The following SLC26A3 variants were observed in gnomAD, a reference collection of about 807,000 sequenced individuals.
SLC26A3 encodes the protein chloride anion exchanger.
A neutral mutation model predicts 85.6 loss-of-function variants in SLC26A3; 64 were observed. That is an observed-to-expected ratio of 0.75 (90% CI 0.61 to 0.92). The LOEUF is 0.92. Ranked by LOEUF, SLC26A3 falls within the 40% of genes least tolerant of loss-of-function variation. SLC26A3 has a pLI of 0.00. For missense variants in SLC26A3, 922 were observed against 927.3 expected, an observed-to-expected ratio of 0.99 and a Z score of 0.07; for synonymous variants, 349 against 336.0, an observed-to-expected ratio of 1.04 and a Z score of -0.42.
At chr7:107,787,647 G>A (rs1794320590) in intron 6 of SLC26A3, 138 bp from the exon 7 acceptor site, 4 of 720,822 alleles carry the variant, frequency 5.5e-6, no homozygotes, top group East Asian at 2.6e-5. Context: ...GTATTGCCCC[G>A]GTTTAATTGT....
rs1793903526 is a variant in SLC26A3 at position 107,765,793 on chromosome 7, T to C, written c.*62A>G. 1 of 1,209,976 alleles carries C rather than the reference T, an allele frequency of 8.3e-7. No homozygotes were observed. Among genetic ancestry groups the C allele is most frequent in the Admixed American group, 1.7e-5 (1 of 59,134 alleles). The allele number at this position is 1,209,976 out of a possible 1,614,324, so 75.0% of individuals were successfully genotyped here. Reference sequence around the variant, plus strand: ...CAATGTATGAACTTATCAATAACTTTCTGGGTATAAAGTTGTTTTTATGTC... The same window carrying C: ...CAATGTATGAACTTATCAATAACTTCCTGGGTATAAAGTTGTTTTTATGTC... On this transcript the variant is annotated 3_prime_UTR_variant, in exon 21 of 21. Coordinates refer to ENST00000340010, the MANE Select transcript of SLC26A3 (RefSeq NM_000111.3).
intron 1 of SLC26A3, among the ~76,000 whole-genome samples, chr7:107,800,739 C>CAGG (rs1282711937): frequency 6.6e-6 from 1 of 152,122 alleles, no homozygotes; most frequent in African/African-American, 2.4e-5. Flanking sequence ...TTTACATACA[C>CAGG]AGGAGAAGTG....
Position 107,776,645 on chromosome 7 carries a change from A to G in SLC26A3, c.1576T>C (p.Tyr526His). The G allele has an allele frequency of 6.2e-7, 1 of 1,613,504 alleles. No individual in the cohort carries two copies. Among genetic ancestry groups the G allele is most frequent in the South Asian group, 1.1e-5 (1 of 91,060 alleles). Reference protein sequence around the residue: ...RTNIYKNKKDYYDMYEPEGVK... With the variant: ...RTNIYKNKKDHYDMYEPEGVK... ...ACATGAATCTCCCTTACATCATAAT[A>G]ATCTTTTTTATTCTTATAGATGTTG... The change falls in exon 14 of 21, where the codon TAT becomes CAT. Residue 526 changes from tyrosine to histidine, a missense_variant. Tyr to His is a moderately conservative substitution (Grantham distance 83, BLOSUM62 2). Transcript: ENST00000340010.
chr7:107,787,133 C>T (rs527912022), intron 7 of SLC26A3, among the ~76,000 whole-genome samples: 4 of 152,322 alleles, frequency 2.6e-5, no homozygotes, highest in East Asian at 1.9e-4. Context: ...TGTCAAGGGT[C>T]TTGCTCTCTG....
chr7:107,774,666 T>A, intron 16 of SLC26A3, 111 bp downstream of exon 16: 3 of 844,670 alleles, frequency 3.6e-6, no homozygotes, highest in Non-Finnish European at 6.1e-6. Context: ...CATTGACACA[T>A]GAAATCCCTT....
chr7:107,785,477 G>A (rs1345500683), intron 8 of SLC26A3, among the ~76,000 whole-genome samples: 2 of 152,164 alleles, frequency 1.3e-5, no homozygotes, highest in Admixed American at 6.5e-5. Flanking sequence ...AGGTATTTAA[G>A]GTGTAACTCA....
intron 8 of SLC26A3, among the ~76,000 whole-genome samples, chr7:107,784,487 A>C (rs988269915): frequency 4.6e-5 from 7 of 152,116 alleles, no homozygotes; most frequent in African/African-American, 1.7e-4. Flanking sequence ...CCTCTTTCCC[A>C]GGCTGGAGTG....
In SLC26A3 at chr7:107,776,726, A is replaced by G. The variant is rs772933241; in HGVS notation, c.1515-20T>C. 9.3e-6 allele frequency: 15 copies of G among 1,607,580 alleles called. No individual in the cohort carries two copies. Among genetic ancestry groups the G allele is most frequent in the African/African-American group, 1.3e-5 (1 of 74,780 alleles). On this transcript the variant is annotated intron_variant, in intron 13 of 20. Coordinates refer to ENST00000340010, the MANE Select transcript of SLC26A3 (RefSeq NM_000111.3). Reference sequence around the variant, plus strand: ...TTTGGACTGTAGGGAGAAAAACACCAAGTAAATCATTCATGTATGTTTGTT... The same window carrying G: ...TTTGGACTGTAGGGAGAAAAACACCGAGTAAATCATTCATGTATGTTTGTT...
At position 107,769,305 on chromosome 7, in the gene SLC26A3, T is replaced by G. The variant is rs567736587; in HGVS notation, c.2063-1397A>C. 2.0e-4 allele frequency among the ~76,000 whole-genome samples: 30 copies of G among 152,100 alleles called. No individual in the cohort carries two copies. The East Asian group carries it at 5.0e-3, about 25-fold the overall frequency. On this transcript the variant is annotated intron_variant, in intron 18 of 20. Coordinates refer to ENST00000340010, the MANE Select transcript of SLC26A3 (RefSeq NM_000111.3). ...ACATTGATTGCTGCACTATTCACAATAGCAAAGACATGGACTCAAATGCCC... is the reference window on the plus strand; with the variant it reads ...ACATTGATTGCTGCACTATTCACAAGAGCAAAGACATGGACTCAAATGCCC...
At chr7:107,791,778 A>G in intron 4 of SLC26A3, 52 bp downstream of exon 4, 1 of 1,188,260 alleles carries the variant, frequency 8.4e-7, no homozygotes, top group South Asian at 1.2e-5. Flanking sequence ...GGCTAATAAA[A>G]TTCATAAGGA....
At chr7:107,788,580 G>A (rs1163158110) in intron 6 of SLC26A3, among the ~76,000 whole-genome samples, 1 of 151,782 alleles carries the variant, frequency 6.6e-6, no homozygotes, top group Non-Finnish European at 1.5e-5. Context: ...TAAAACTTGG[G>A]ACAAAATGGT....
intron 15 of SLC26A3, 63 bp downstream of exon 15, chr7:107,776,389 C>A: frequency 1.5e-6 from 2 of 1,303,652 alleles, no homozygotes; most frequent in Non-Finnish European, 2.2e-6. Flanking sequence ...CCTTACAGAA[C>A]AATGACATTC....
chr7:107,800,422 G>A (rs916049855), intron 1 of SLC26A3, among the ~76,000 whole-genome samples: 1 of 152,180 alleles, frequency 6.6e-6, no homozygotes, highest in East Asian at 1.9e-4. Flanking sequence ...TATTTGTCAG[G>A]AACTCAGTTC....
chr7:107,777,646 A>T (rs1323484016), intron 13 of SLC26A3, among the ~76,000 whole-genome samples: 1 of 152,176 alleles, frequency 6.6e-6, no homozygotes, highest in African/African-American at 2.4e-5. Context: ...GGACTGAATG[A>T]TTATTAAAAA....
intron 11 of SLC26A3, among the ~76,000 whole-genome samples, chr7:107,782,505 A>C (rs118171218): frequency 0.012 from 1,884 of 152,314 alleles, 16 homozygotes; most frequent in Non-Finnish European, 0.019. Flanking sequence ...ATGCGTGTTG[A>C]AAGTGTGGTG....
Position 107,794,147 on chromosome 7 carries a change from C to T in SLC26A3, c.131+232G>A, listed in dbSNP as rs190213127. On this transcript the variant is annotated intron_variant, in intron 2 of 20. Transcript: ENST00000340010. ...ATTTCAAATGAGAATTTTCCTCTGT[C>T]CCCATCTGTTAGTTGTCTGATTTGG... is the stretch of plus-strand genomic sequence containing the variant. Among the ~76,000 whole-genome samples the T allele has an allele frequency of 2.0e-4, 31 of 152,226 alleles. No individual in the cohort carries two copies. In the East Asian group the frequency reaches 5.6e-3, roughly 27 times the overall value.
intron 20 of SLC26A3, among the ~76,000 whole-genome samples, chr7:107,767,263 T>C (rs1006969300): frequency 6.6e-6 from 1 of 152,246 alleles, no homozygotes; most frequent in Non-Finnish European, 1.5e-5. Context: ...CCTTCCCTGC[T>C]ACGTGGATTA....
Position 107,776,650 on chromosome 7 carries a change from T to C in SLC26A3, c.1571A>G (p.Lys524Arg), listed in dbSNP as rs1794120839. 2 of 1,613,752 alleles carry C rather than the reference T, an allele frequency of 1.2e-6. No individual in the cohort carries two copies. Among genetic ancestry groups the C allele is most frequent in the Non-Finnish European group, 1.7e-6 (2 of 1,179,734 alleles). The stretch of plus-strand genomic sequence containing the variant: ...AATCTCCCTTACATCATAATAATCT[T>C]TTTTATTCTTATAGATGTTGGTTCT... ...IGRTNIYKNK[K>R]DYYDMYEPEG... is the part of the protein sequence containing the mutation. Residue 524 changes from lysine (K) to arginine (R), a missense_variant, in exon 14 of 21, where the codon AAA (lysine) becomes AGA (arginine). Transcript: ENST00000340010.
At chr7:107,772,690 C>T (rs1444131180) in intron 17 of SLC26A3, among the ~76,000 whole-genome samples, 23 of 152,114 alleles carry the variant, frequency 1.5e-4, no homozygotes, top group Non-Finnish European at 1.5e-5. Flanking sequence ...CTTTCAGAAC[C>T]TCTTCTAGGC....
Sources: gnomAD v4.1 joint callset for allele counts (sites outside exome capture counted in the v4.1 genomes callset) on GRCh38, gnomAD v4.1.1 for gene constraint, MANE v1.5 for transcripts, NCBI Gene and HGNC (gene_info 2026-07-23, HGNC 2026-07-21) for gene names.